The following SPINK2 variants were observed in gnomAD, a reference collection of about 807,000 sequenced individuals.
SPINK2 encodes the protein serine peptidase inhibitor Kazal type 2.
SPINK2 carries 8 observed loss-of-function variants against 13.5 expected under a neutral mutation model. The ratio of observed to expected loss-of-function variants is 0.59; its 90% CI spans 0.35 to 1.07. The LOEUF (loss-of-function observed/expected upper bound fraction) is 1.07, where lower values mean the gene tolerates loss of function less well. SPINK2 is among the 50% of genes least tolerant of loss of function. The pLI is 0.02. For synonymous variants in SPINK2, 76 were observed against 74.7 expected, an observed-to-expected ratio of 1.02 and a Z score of -0.09; for missense variants, 148 against 180.3, an observed-to-expected ratio of 0.82 and a Z score of 1.03.
At chr4:56,815,762 TCACACACACACACACA>T (rs140055216) in intron 2 of SPINK2, among the ~76,000 whole-genome samples, 9,784 of 143,066 alleles carry the variant, frequency 0.068, 538 homozygotes, top group South Asian at 0.29. Context: ...CCTAAGAAAT[TCACACACACACACACA>T]CACACACACA....
chr4:56,821,509 C>G lies in SPINK2; in HGVS notation c.154G>C (p.Gly52Arg). The G allele has an allele frequency of 1.3e-6, 2 of 1,540,580 alleles. No individual in the cohort carries two copies. The highest frequency in any genetic ancestry group is 1.7e-6 in the Non-Finnish European group (2 of 1,145,730). The change falls in exon 1 of 4, where the codon GGC (glycine) becomes CGC (arginine). Residue 52 changes from glycine (G) to arginine (R), a missense_variant. Gly to Arg is a moderately radical substitution (Grantham distance 125). Transcript: ENST00000506738. ...GGPCPAPGGL[G>R]DGTRAPVTGG... ...GTAACGGGCGCGCGGGTACCGTCGC[C>G]GAGGCCGCCCGGAGCAGGGCAGGGT...
intron 1 of SPINK2, 141 bp downstream of exon 1, chr4:56,821,317 C>G: frequency 7.2e-7 from 1 of 1,393,980 alleles, no homozygotes; most frequent in Non-Finnish European, 9.3e-7. Context: ...TCATCTTGGG[C>G]ACCTGAAAAT....
upstream of SPINK2, chr4:56,821,737 G>A (rs1283038665): frequency 7.3e-7 from 1 of 1,365,994 alleles, no homozygotes; most frequent in Non-Finnish European, 9.5e-7. Context: ...CGTGCGACGG[G>A]GCGCGGGGAG....
Position 56,821,582 on chromosome 4 carries a change from C to G in SPINK2, c.81G>C (p.Glu27Asp), listed in dbSNP as rs1308397918. 8.4e-6 allele frequency: 13 copies of G among 1,548,386 alleles called. No individual in the cohort carries two copies. The highest frequency in any genetic ancestry group is 1.1e-5 in the Non-Finnish European group (13 of 1,146,840). ...ACCCGCTTTTCTCCGGAGGTCCCCG[C>G]TCGCCAGGACCGCTCCGAGCGCTAC... ...FAGSARSGPGERGPPEKSGFG... is the reference protein window; with the variant it reads ...FAGSARSGPGDRGPPEKSGFG... The change falls in exon 1 of 4, where the codon GAG becomes GAC. Residue 27 changes from glutamate to aspartate, a missense_variant. By Grantham distance (45) the Glu-to-Asp change is conservative. Transcript: ENST00000506738.
chr4:56,809,862 G>C lies in SPINK2; in HGVS notation c.*277C>G. 2 of 731,544 alleles carry C rather than the reference G, an allele frequency of 2.7e-6. No individual in the cohort carries two copies. The highest frequency in any genetic ancestry group is 2.1e-6 in the Non-Finnish European group (1 of 476,724). 45.3% of individuals were successfully genotyped at this position (731,544 alleles called of 1,614,324 possible). A position where few individuals can be genotyped will look rare whatever the true frequency, so the allele number is the denominator to read the frequency against. On this transcript the variant is annotated 3_prime_UTR_variant, in exon 4 of 4. Transcript: ENST00000506738. ...TTTTCAACAGAGAACAGTAGGAACTGAATTCAATGCTGATTTTATTTCAAC... is the reference window on the plus strand; with the variant it reads ...TTTTCAACAGAGAACAGTAGGAACTCAATTCAATGCTGATTTTATTTCAAC...
At chr4:56,816,099 T>C (rs1210231735) in intron 2 of SPINK2, among the ~76,000 whole-genome samples, 1 of 151,958 alleles carries the variant, frequency 6.6e-6, no homozygotes, top group Non-Finnish European at 1.5e-5. Flanking sequence ...CAAGACTCAG[T>C]CTTGGAAAAA....
chr4:56,814,658 A>T lies in SPINK2; in HGVS notation c.250-2864T>A, dbSNP rs532348522. Among the ~76,000 whole-genome samples, 148 of 151,608 alleles carry T rather than the reference A, an allele frequency of 9.8e-4. 1 individual carries two copies. The highest frequency in any genetic ancestry group is 1.8e-3 in the Non-Finnish European group (120 of 67,926). ...AAGGAACCTCCAAAACTCTTTTATG[A>T]TTTTTTTTAAAAAAAAGAGGTGGCC... On this transcript the variant is annotated intron_variant, in intron 2 of 3. Transcript: ENST00000506738.
At chr4:56,812,071 T>A (rs944390252) in intron 2 of SPINK2, among the ~76,000 whole-genome samples, 1 of 151,510 alleles carries the variant, frequency 6.6e-6, no homozygotes, top group Admixed American at 6.6e-5. Flanking sequence ...AATTTTTGTA[T>A]TTTTAGTAGA....
At position 56,821,639 on chromosome 4, in the gene SPINK2, C is replaced by A; in HGVS notation, c.24G>T (p.Leu8Phe). The A allele has an allele frequency of 6.5e-7, 1 of 1,546,960 alleles. No individual in the cohort carries two copies. The highest frequency in any genetic ancestry group is 8.7e-7 in the Non-Finnish European group (1 of 1,147,110). The change falls in exon 1 of 4, where the codon TTG (leucine) becomes TTT (phenylalanine). Residue 8 changes from leucine to phenylalanine, a missense_variant. Physicochemically the swap from Leu to Phe is conservative, Grantham distance 22. Coordinates refer to ENST00000506738, the MANE Select transcript of SPINK2 (RefSeq NM_001271718.2). ...AGGTAACTGCCAGGAGCAGCAGCGC[C>A]AAGCGCAGCACCGACAGCGCCATCC... MALSVLR[L>F]ALLLLAVTFA...
chr4:56,819,747 G>C (rs781539), intron 2 of SPINK2, among the ~76,000 whole-genome samples: 105,144 of 151,498 alleles, frequency 0.69, 37,296 homozygotes, highest in East Asian at 0.9. Context: ...TTCCCAGTAG[G>C]TGGGATTACA....
At chr4:56,821,733 A>C, upstream of SPINK2, 3 of 1,353,746 alleles carry the variant, frequency 2.2e-6, no homozygotes, top group Non-Finnish European at 2.9e-6. Context: ...CGCTCGTGCG[A>C]CGGGGCGCGG....
Position 56,821,659 on chromosome 4 carries a change from C to T in SPINK2, c.4G>A (p.Ala2Thr), listed in dbSNP as rs752574456. ...AGCGCCAAGCGCAGCACCGACAGCG[C>T]CATCCTCCTCCCGCGCCGGCTGTCT... Reference protein sequence around the residue: MALSVLRLALLL... With the variant: MTLSVLRLALLL... Residue 2 changes from alanine (A) to threonine (T), a missense_variant, in exon 1 of 4, where the codon GCG (alanine) becomes ACG (threonine). Transcript: ENST00000506738. The T allele has an allele frequency of 6.5e-7, 1 of 1,535,178 alleles. No individual in the cohort carries two copies. The highest frequency in any genetic ancestry group is 8.8e-7 in the Non-Finnish European group (1 of 1,142,802).
At chr4:56,820,489 G>A in intron 2 of SPINK2, 47 bp downstream of exon 2, 1 of 1,513,650 alleles carries the variant, frequency 6.6e-7, no homozygotes, top group Non-Finnish European at 9.2e-7. Flanking sequence ...AAACGGTTTT[G>A]GGCTTCACTG....
intron 2 of SPINK2, among the ~76,000 whole-genome samples, chr4:56,814,788 C>T (rs554348413): frequency 2.6e-5 from 4 of 151,854 alleles, no homozygotes; most frequent in Admixed American, 1.3e-4. Context: ...GATGAAACCC[C>T]GCCTCTACTA....
intron 3 of SPINK2, among the ~76,000 whole-genome samples, chr4:56,811,478 G>A (rs574276769): frequency 7.8e-4 from 119 of 152,152 alleles, no homozygotes; most frequent in Non-Finnish European, 1.3e-3. Context: ...TTAGCCAAGC[G>A]TGGTGGCAGG....
intron 3 of SPINK2, chr4:56,810,594 T>C (rs566067404): frequency 2.9e-4 from 50 of 174,918 alleles, no homozygotes; most frequent in Admixed American, 2.2e-3. Context: ...ATCCCAGCAC[T>C]TTGGGAGGCT....
intron 2 of SPINK2, among the ~76,000 whole-genome samples, chr4:56,819,464 C>T (rs552225594): frequency 1.3e-5 from 2 of 152,252 alleles, no homozygotes; most frequent in South Asian, 4.1e-4. Context: ...GTCCAGGAAC[C>T]CAAACCATTA....
Position 56,821,475 on chromosome 4 carries a change from G to A in SPINK2, c.188C>T (p.Ser63Phe), listed in dbSNP as rs1205137296. The change falls in exon 1 of 4, where the codon TCC becomes TTC. Residue 63 changes from serine to phenylalanine, a missense_variant. Coordinates refer to ENST00000506738, the MANE Select transcript of SPINK2 (RefSeq NM_001271718.2). Reference sequence around the variant, plus strand: ...TCCTCCACCTGGCAGGTCCTCTGGGGAACCGCCAGTAACGGGCGCGCGGGT... The same window carrying A: ...TCCTCCACCTGGCAGGTCCTCTGGGAAACCGCCAGTAACGGGCGCGCGGGT... ...DGTRAPVTGGSPEDLPASLIP... is the reference protein window; with the variant it reads ...DGTRAPVTGGFPEDLPASLIP... 10 of 1,529,442 alleles carry A rather than the reference G, an allele frequency of 6.5e-6. No homozygotes were observed. Among genetic ancestry groups the A allele is most frequent in the Non-Finnish European group, 8.7e-6 (10 of 1,142,946 alleles). 94.7% of individuals were successfully genotyped at this position (1,529,442 alleles called of 1,614,324 possible).
rs143342790 is a variant in SPINK2, at chr4:56,816,932, C to T, written c.249+3604G>A. Among the ~76,000 whole-genome samples, 1,016 of 151,750 alleles carry T rather than the reference C, an allele frequency of 6.7e-3. 14 individuals are homozygous for T. The highest frequency in any genetic ancestry group is 0.022 in the African/African-American group (929 of 41,418). On this transcript the variant is annotated intron_variant, in intron 2 of 3. Coordinates refer to ENST00000506738, the MANE Select transcript of SPINK2 (RefSeq NM_001271718.2). Reference sequence around the variant, plus strand: ...ATAAAACATCTAGAAAGACCAGGTGCGGTGGCTCACGCCTATAACCCAGCA... The same window carrying T: ...ATAAAACATCTAGAAAGACCAGGTGTGGTGGCTCACGCCTATAACCCAGCA...
Sources: gnomAD v4.1 joint callset for allele counts (sites outside exome capture counted in the v4.1 genomes callset) on GRCh38, gnomAD v4.1.1 for gene constraint, MANE v1.5 for transcripts, NCBI Gene and HGNC (gene_info 2026-07-23, HGNC 2026-07-21) for gene names.